The following HOXC5 variants were observed in gnomAD, a reference collection of about 807,000 sequenced individuals.
The protein encoded by HOXC5 is homeobox protein Hox-C5.
Under a neutral mutation model 20.1 loss-of-function variants are expected in HOXC5, and 19 were observed. The ratio of observed to expected loss-of-function variants is 0.94; its 90% CI spans 0.66 to 1.38. HOXC5 has a LOEUF of 1.38. Among genes scored for constraint, HOXC5 ranks in the 40% most tolerant of loss-of-function variants. The pLI is 0.00. For missense variants in HOXC5, 330 were observed against 300.1 expected, an observed-to-expected ratio of 1.10 and a Z score of -0.74; for synonymous variants, 124 against 117.0, an observed-to-expected ratio of 1.06 and a Z score of -0.39.
chr12:54,023,475 C>T, the HOXC5 span, among the ~76,000 whole-genome samples: 17,056 of 152,174 alleles, frequency 0.11, 1,293 homozygotes, highest in Non-Finnish European at 0.17. Flanking sequence ...CTTTCTTCTC[C>T]GTTTAATTGT....
At chr12:54,024,274 G>T in the HOXC5 span, among the ~76,000 whole-genome samples, 2 of 152,190 alleles carry the variant, frequency 1.3e-5, no homozygotes, top group African/African-American at 4.8e-5. Context: ...CTGCGGTCGC[G>T]TCCAGGCAGC....
upstream of HOXC5, chr12:54,029,757 G>A (rs769891934): frequency 1.2e-6 from 2 of 1,614,010 alleles, no homozygotes; most frequent in Non-Finnish European, 1.7e-6. Context: ...TACCTAACGC[G>A]GCGCCGGCGC....
At chr12:54,030,705 A>G (rs1400237876), upstream of HOXC5, 1 of 152,714 alleles carries the variant, frequency 6.5e-6, no homozygotes, top group East Asian at 1.9e-4. Flanking sequence ...ACGTTTGTTT[A>G]GCCAGTAGGA....
rs1472454228 is a variant in HOXC5, at chr12:54,034,544, C to T, written c.*52C>T. 6.8e-7 allele frequency: 1 copy of T among 1,462,752 alleles called. No individual in the cohort carries two copies. The highest frequency in any genetic ancestry group is 9.5e-7 in the Non-Finnish European group (1 of 1,050,288). 90.6% of individuals were successfully genotyped at this position (1,462,752 alleles called of 1,614,324 possible). A position where few individuals can be genotyped will look rare whatever the true frequency, so the allele number is the denominator to read the frequency against. On this transcript the variant is annotated 3_prime_UTR_variant, in exon 2 of 2. Coordinates refer to ENST00000312492, the MANE Select transcript of HOXC5 (RefSeq NM_018953.4). Reference sequence around the variant, plus strand: ...CGCCCCTAGCCGGTTCCTGTCCCTGCGCCTTTCCTTTTCGCCTTTCCTCTC... The same window carrying T: ...CGCCCCTAGCCGGTTCCTGTCCCTGTGCCTTTCCTTTTCGCCTTTCCTCTC...
At chr12:54,023,618 C>A in the HOXC5 span, among the ~76,000 whole-genome samples, 1 of 152,166 alleles carries the variant, frequency 6.6e-6, no homozygotes, top group Non-Finnish European at 1.5e-5. Flanking sequence ...TTCCTCCTTT[C>A]CCCCTCCCTG....
At chr12:54,028,586 C>T (rs1940837026), upstream of HOXC5, 3 of 1,613,992 alleles carry the variant, frequency 1.9e-6, no homozygotes, top group East Asian at 6.7e-5. Flanking sequence ...GACGTCCTCC[C>T]CAACGTCGCC....
chr12:54,034,810 T>C lies in HOXC5; in HGVS notation c.*318T>C. 1 of 340,398 alleles carries C rather than the reference T, an allele frequency of 2.9e-6. No homozygotes were observed. Among genetic ancestry groups the C allele is most frequent in the Non-Finnish European group, 5.6e-6 (1 of 178,980 alleles). The allele number at this position is 340,398 out of a possible 1,614,324, so 21.1% of individuals were successfully genotyped here. On this transcript the variant is annotated 3_prime_UTR_variant, in exon 2 of 2. Coordinates refer to ENST00000312492, the MANE Select transcript of HOXC5 (RefSeq NM_018953.4). The stretch of plus-strand genomic sequence containing the variant: ...GCAGAACGAACCTTGGCCTGGGCCG[T>C]ATCTCCGGCTCCCAGCCTCAGCGCG...
chr12:54,034,345 C>A lies in HOXC5; in HGVS notation c.522C>A (p.Phe174Leu). The change falls in exon 2 of 2, where the codon TTC becomes TTA. Residue 174 changes from phenylalanine to leucine, a missense_variant. By Grantham distance (22) the Phe-to-Leu change is conservative (BLOSUM62 0). Transcript: ENST00000312492. ...AGACTCTGGAACTCGAGAAAGAATTCCACTTTAACCGCTACCTCACTCGCC... is the reference window on the plus strand; with the variant it reads ...AGACTCTGGAACTCGAGAAAGAATTACACTTTAACCGCTACCTCACTCGCC... ...RYQTLELEKE[F>L]HFNRYLTRRR... 1.9e-6 allele frequency: 3 copies of A among 1,614,238 alleles called. No individual in the cohort carries two copies. The highest frequency in any genetic ancestry group is 2.5e-6 in the Non-Finnish European group (3 of 1,180,044).
chr12:54,034,206 G>T, intron 1 of HOXC5, 72 bp from the exon 2 acceptor site: 1 of 1,400,340 alleles, frequency 7.1e-7, no homozygotes, highest in Non-Finnish European at 1.0e-6. Context: ...GGGGGCCTGG[G>T]CTGGGGTGGG....
the HOXC5 span, among the ~76,000 whole-genome samples, chr12:54,027,213 T>C: frequency 6.6e-6 from 1 of 152,186 alleles, no homozygotes; most frequent in Non-Finnish European, 1.5e-5. Flanking sequence ...GGGAATAAAA[T>C]GGGCGTTGAG....
At chr12:54,018,003 G>A in the HOXC5 span, among the ~76,000 whole-genome samples, 1 of 152,224 alleles carries the variant, frequency 6.6e-6, no homozygotes, top group African/African-American at 2.4e-5. Flanking sequence ...GCAGCTAGGC[G>A]GCCGGCGGGG....
Position 54,034,379 on chromosome 12 carries a change from A to G in HOXC5, c.556A>G (p.Ile186Val). 4 of 1,614,156 alleles carry G rather than the reference A, an allele frequency of 2.5e-6. No homozygotes were observed. Among genetic ancestry groups the G allele is most frequent in the Non-Finnish European group, 3.4e-6 (4 of 1,179,948 alleles). The change falls in exon 2 of 2, where the codon ATA becomes GTA. Residue 186 changes from isoleucine (I) to valine (V), a missense_variant. By Grantham distance (29) the Ile-to-Val change is conservative (BLOSUM62 3). Coordinates refer to ENST00000312492, the MANE Select transcript of HOXC5 (RefSeq NM_018953.4). ...FNRYLTRRRR[I>V]EIANNLCLNE... is the part of the protein sequence containing the mutation. ...CCGCTACCTCACTCGCCGCAGGCGC[A>G]TAGAGATCGCCAACAACTTGTGTCT... is the stretch of plus-strand genomic sequence containing the variant.
the HOXC5 span, among the ~76,000 whole-genome samples, chr12:54,022,960 C>T: frequency 3.3e-5 from 5 of 152,198 alleles, no homozygotes; most frequent in African/African-American, 1.2e-4. Context: ...ATGTGACATC[C>T]TCTTGAGGCC....
At chr12:54,026,671 A>G in the HOXC5 span, among the ~76,000 whole-genome samples, 2 of 152,058 alleles carry the variant, frequency 1.3e-5, no homozygotes, top group Non-Finnish European at 1.5e-5. Flanking sequence ...AGACTCTTCA[A>G]CCCCCTAACG....
the HOXC5 span, among the ~76,000 whole-genome samples, chr12:54,025,525 AT>A: frequency 1.9e-3 from 37 of 19,368 alleles, no homozygotes; most frequent in East Asian, 0.054. Context: ...ATGAAAGGTA[AT>A]TGGGGGGGGG....
In HOXC5 at chr12:54,033,270, C is replaced by A; in HGVS notation, c.148C>A (p.Pro50Thr). Residue 50 changes from proline (P) to threonine (T), a missense_variant, in exon 1 of 2, where the codon CCA (proline) becomes ACA (threonine). Coordinates refer to ENST00000312492, the MANE Select transcript of HOXC5 (RefSeq NM_018953.4). ...YGGLDLSITF[P>T]PPAPSNSLHG... ...CGGATTGGACTTAAGCATCACTTTCCCACCGCCTGCGCCTTCCAACTCTCT... is the reference window on the plus strand; with the variant it reads ...CGGATTGGACTTAAGCATCACTTTCACACCGCCTGCGCCTTCCAACTCTCT... 6.2e-7 allele frequency: 1 copy of A among 1,614,192 alleles called. No individual in the cohort carries two copies. The highest frequency in any genetic ancestry group is 8.5e-7 in the Non-Finnish European group (1 of 1,180,044).
At chr12:54,026,988 C>T in the HOXC5 span, among the ~76,000 whole-genome samples, 1 of 145,892 alleles carries the variant, frequency 6.9e-6, no homozygotes, top group Admixed American at 7.0e-5. Flanking sequence ...TATGAGCTTT[C>T]TCTGCTCCCC....
chr12:54,033,417 T>A lies in HOXC5; in HGVS notation c.295T>A (p.Tyr99Asn), dbSNP rs758896796. The A allele has an allele frequency of 6.2e-7, 1 of 1,609,406 alleles. No individual in the cohort carries two copies. The highest frequency in any genetic ancestry group is 1.3e-5 in the African/African-American group (1 of 74,824). ...AGCGGCTCCTCTGAACCCCGGGATG[T>A]ACAGTCAGAAGGCGGCTCGCCCGGC... ...DEAAPLNPGM[Y>N]SQKAARPALE... Residue 99 changes from tyrosine (Y) to asparagine (N), a missense_variant, in exon 1 of 2, where the codon TAC becomes AAC. Tyr to Asn is a moderately radical substitution (Grantham distance 143). Coordinates refer to ENST00000312492, the MANE Select transcript of HOXC5 (RefSeq NM_018953.4).
rs1225129849 is a variant in HOXC5 at position 54,033,156 on chromosome 12, C to A, written c.34C>A (p.Gln12Lys). The A allele has an allele frequency of 1.2e-6, 2 of 1,613,688 alleles. No homozygotes were observed. The highest frequency in any genetic ancestry group is 1.3e-5 in the African/African-American group (1 of 75,036). ...SSYVANSFYK[Q>K]SPNIPAYNMQ... ...CTACGTAGCCAATTCATTCTATAAG[C>A]AGAGCCCCAATATCCCTGCCTATAA... is the stretch of plus-strand genomic sequence containing the variant. Residue 12 changes from glutamine (Q) to lysine (K), a missense_variant, in exon 1 of 2, where the codon CAG (glutamine) becomes AAG (lysine). Physicochemically the swap from Gln to Lys is moderately conservative, Grantham distance 53. Transcript: ENST00000312492.
Sources: allele counts gnomAD v4.1 joint callset (sites outside exome capture counted in the v4.1 genomes callset), GRCh38; gene constraint gnomAD v4.1.1; transcripts MANE v1.5; gene names NCBI Gene and HGNC (gene_info 2026-07-23, HGNC 2026-07-21).